The following MATCAP2 variants were observed in gnomAD, a reference collection of about 807,000 sequenced individuals.
The protein encoded by MATCAP2 is putative tyrosine carboxypeptidase MATCAP2.
the MATCAP2 span, among the ~76,000 whole-genome samples, chr7:36,378,429 C>T: frequency 6.6e-6 from 1 of 152,212 alleles, no homozygotes; most frequent in South Asian, 2.1e-4. Context: ...GCAAATATTG[C>T]AGAACAGCAA....
At chr7:36,334,535 C>CAAAAA in the MATCAP2 span, among the ~76,000 whole-genome samples, 12 of 49,522 alleles carry the variant, frequency 2.4e-4, no homozygotes, top group African/African-American at 6.4e-4. Flanking sequence ...GATCCCATCT[C>CAAAAA]AAAAAAAAAA....
the MATCAP2 span, among the ~76,000 whole-genome samples, chr7:36,373,414 G>C: frequency 6.6e-6 from 1 of 152,146 alleles, no homozygotes; most frequent in Non-Finnish European, 1.5e-5. Context: ...TGAAGAATAA[G>C]AGTCGGAATT....
At chr7:36,330,125 C>G in the MATCAP2 span, among the ~76,000 whole-genome samples, 1 of 150,832 alleles carries the variant, frequency 6.6e-6, no homozygotes, top group Non-Finnish European at 1.5e-5. Flanking sequence ...GGCTCTGTCT[C>G]CCAGGCTGGA....
At chr7:36,389,642 C>T in the MATCAP2 span, among the ~76,000 whole-genome samples, 5 of 152,172 alleles carry the variant, frequency 3.3e-5, no homozygotes, top group South Asian at 1.0e-3. Flanking sequence ...GCCAGGAACC[C>T]GACGCCGTTG....
chr7:36,390,196 C>A, the MATCAP2 span: 1 of 1,318,062 alleles, frequency 7.6e-7, no homozygotes, highest in Non-Finnish European at 1.1e-6. Flanking sequence ...GCCGCGGCTG[C>A]GGCCTGCTGT....
At chr7:36,331,104 C>T in the MATCAP2 span, 32 of 1,439,376 alleles carry the variant, frequency 2.2e-5, 1 homozygote, top group South Asian at 2.8e-4. Flanking sequence ...ATAGTGTTTA[C>T]TTTCTGATGT....
chr7:36,339,908 G>A, the MATCAP2 span, among the ~76,000 whole-genome samples: 2 of 152,094 alleles, frequency 1.3e-5, no homozygotes, highest in South Asian at 2.1e-4. Context: ...GCACGATCTC[G>A]GCTCACTGCA....
chr7:36,377,332 A>C, the MATCAP2 span, among the ~76,000 whole-genome samples: 1 of 152,110 alleles, frequency 6.6e-6, no homozygotes, highest in South Asian at 2.1e-4. Flanking sequence ...TTTGTTTATA[A>C]AGGATTTTAT....
the MATCAP2 span, chr7:36,326,862 C>A: frequency 6.8e-6 from 11 of 1,613,748 alleles, no homozygotes; most frequent in Non-Finnish European, 9.3e-6. Context: ...AATGAGGGAC[C>A]CTCATGTTTT....
At chr7:36,383,774 G>T in the MATCAP2 span, 1 of 866,734 alleles carries the variant, frequency 1.2e-6, no homozygotes, top group Non-Finnish European at 1.8e-6. Context: ...TAACAAACCT[G>T]CACGTTCTGC....
At chr7:36,343,775 A>G in the MATCAP2 span, among the ~76,000 whole-genome samples, 1 of 152,010 alleles carries the variant, frequency 6.6e-6, no homozygotes, top group African/African-American at 2.4e-5. Flanking sequence ...AAAAAGGTCA[A>G]AATGAGAGGG....
At chr7:36,341,052 C>G in the MATCAP2 span, among the ~76,000 whole-genome samples, 1 of 152,074 alleles carries the variant, frequency 6.6e-6, no homozygotes, top group Non-Finnish European at 1.5e-5. Context: ...TTTAAAATTC[C>G]TCACAATATG....
At chr7:36,328,246 G>GC in the MATCAP2 span, among the ~76,000 whole-genome samples, 1 of 123,804 alleles carries the variant, frequency 8.1e-6, no homozygotes, top group African/African-American at 2.9e-5. Flanking sequence ...TTGTAGGGGG[G>GC]GGGGGTCTTG....
At chr7:36,352,910 T>C in the MATCAP2 span, among the ~76,000 whole-genome samples, 2 of 151,974 alleles carry the variant, frequency 1.3e-5, no homozygotes, top group Non-Finnish European at 2.9e-5. Flanking sequence ...CTGAGACATA[T>C]GGTGTTCTGG....
At chr7:36,328,094 G>T in the MATCAP2 span, among the ~76,000 whole-genome samples, 33 of 151,886 alleles carry the variant, frequency 2.2e-4, 1 homozygote, top group Middle Eastern at 3.4e-3. Flanking sequence ...TAAGAGATAG[G>T]GTCTTTCTCT....
the MATCAP2 span, chr7:36,330,957 A>C: frequency 7.4e-7 from 1 of 1,359,588 alleles, no homozygotes; most frequent in Middle Eastern, 1.8e-4. Context: ...GTGTTCGGGG[A>C]CTATGTGCCA....
the MATCAP2 span, chr7:36,383,771 C>T: frequency 3.5e-6 from 3 of 850,032 alleles, no homozygotes; most frequent in East Asian, 5.9e-5. Context: ...ATGTAACAAA[C>T]CTGCACGTTC....
the MATCAP2 span, among the ~76,000 whole-genome samples, chr7:36,340,554 TA>T: frequency 6.6e-6 from 1 of 152,228 alleles, no homozygotes. Context: ...TATTCAGCTT[TA>T]AATATTACAT....
At chr7:36,348,861 G>T in the MATCAP2 span, among the ~76,000 whole-genome samples, 1 of 152,220 alleles carries the variant, frequency 6.6e-6, no homozygotes, top group Admixed American at 6.5e-5. Flanking sequence ...AATAGAGCTT[G>T]ATTTGACAAG....
Sources: gnomAD v4.1 joint callset for allele counts (sites outside exome capture counted in the v4.1 genomes callset) on GRCh38, gnomAD v4.1.1 for gene constraint, MANE v1.5 for transcripts, NCBI Gene and HGNC (gene_info 2026-07-23, HGNC 2026-07-21) for gene names.